TTLL11: variants seen among roughly 807,000 people sequenced by gnomAD.
TTLL11 encodes tubulin tyrosine ligase like 11.
TTLL11 carries 42 observed loss-of-function variants against 51.7 expected under a neutral mutation model. The observed-to-expected ratio is 0.81, with a 90% CI of 0.64 to 1.05. The LOEUF (loss-of-function observed/expected upper bound fraction) is 1.05, where lower values mean the gene tolerates loss of function less well. Ranked by LOEUF, TTLL11 falls within the 50% of genes least tolerant of loss-of-function variation. The pLI, the probability that TTLL11 is intolerant of heterozygous loss-of-function variation, is 0.00. For missense variants in TTLL11, 799 were observed against 940.4 expected (o/e 0.85, Z 1.97); for synonymous variants, 381 against 383.5 (o/e 0.99, Z 0.08).
chr9:121,852,057 C>T (rs1363816876), intron 8 of TTLL11, among the ~76,000 whole-genome samples: 3 of 152,312 alleles, frequency 2.0e-5, no homozygotes, highest in East Asian at 3.9e-4. Context: ...CGGGGCTGGC[C>T]CCTGTTCTGC....
chr9:121,958,047 G>A (rs932124826), intron 6 of TTLL11, among the ~76,000 whole-genome samples: 35 of 152,200 alleles, frequency 2.3e-4, no homozygotes, highest in African/African-American at 8.2e-4. Context: ...CTTGTGGAAC[G>A]AGTGTCCCCA....
intron 6 of TTLL11, among the ~76,000 whole-genome samples, chr9:121,936,740 A>T (rs142909637): frequency 6.6e-6 from 1 of 152,380 alleles, no homozygotes; most frequent in African/African-American, 2.4e-5. Context: ...CATGATTAAC[A>T]TTTAGTGTGT....
At chr9:121,962,089 A>G (rs775414930) in intron 6 of TTLL11, among the ~76,000 whole-genome samples, 21 of 152,102 alleles carry the variant, frequency 1.4e-4, no homozygotes, top group Non-Finnish European at 2.6e-4. Context: ...CAGCATACCA[A>G]AATTACACAG....
At chr9:122,061,859 A>C (rs957907753) in intron 1 of TTLL11, among the ~76,000 whole-genome samples, 1 of 152,082 alleles carries the variant, frequency 6.6e-6, no homozygotes, top group African/African-American at 2.4e-5. Flanking sequence ...GCTGGTCTTG[A>C]ACTCCTGACC....
intron 4 of TTLL11, among the ~76,000 whole-genome samples, chr9:121,988,549 T>C (rs973330742): frequency 6.6e-6 from 1 of 151,960 alleles, no homozygotes; most frequent in Non-Finnish European, 1.5e-5. Flanking sequence ...TTGCCTCCCC[T>C]ACCCCTACCC....
intron 6 of TTLL11, among the ~76,000 whole-genome samples, chr9:121,927,489 C>T (rs7039390): frequency 0.075 from 11,399 of 152,258 alleles, 607 homozygotes; most frequent in African/African-American, 0.15. Flanking sequence ...AATCCTGCTA[C>T]ATGTCAAGCA....
At chr9:122,013,564 C>T (rs1417416865) in intron 3 of TTLL11, among the ~76,000 whole-genome samples, 5 of 152,192 alleles carry the variant, frequency 3.3e-5, no homozygotes, top group African/African-American at 1.2e-4. Context: ...AAGGAGCCAA[C>T]AGGAAGGATG....
chr9:121,921,725 C>A (rs956192991), intron 6 of TTLL11, among the ~76,000 whole-genome samples: 4 of 152,184 alleles, frequency 2.6e-5, no homozygotes, highest in Admixed American at 6.5e-5. Flanking sequence ...AAAGAGGGAG[C>A]AGGGGATTGA....
intron 6 of TTLL11, among the ~76,000 whole-genome samples, chr9:121,971,992 A>G (rs1412216258): frequency 1.3e-5 from 2 of 152,022 alleles, no homozygotes; most frequent in African/African-American, 4.8e-5. Context: ...GTGGGTGGGG[A>G]CTAGGGGAGG....
chr9:121,921,619 C>T (rs1275081542), intron 6 of TTLL11, among the ~76,000 whole-genome samples: 1 of 152,124 alleles, frequency 6.6e-6, no homozygotes, highest in African/African-American at 2.4e-5. Flanking sequence ...AATTCTGGCA[C>T]CTGCTGATTT....
At chr9:121,911,943 T>A (rs74956521) in intron 6 of TTLL11, among the ~76,000 whole-genome samples, 3,508 of 152,018 alleles carry the variant, frequency 0.023, 87 homozygotes, top group African/African-American at 0.054. Context: ...AAAAAAATTT[T>A]AAAAAAAAGA....
intron 6 of TTLL11, among the ~76,000 whole-genome samples, chr9:121,939,547 A>G (rs1841360140): frequency 6.6e-6 from 1 of 152,196 alleles, no homozygotes; most frequent in South Asian, 2.1e-4. Flanking sequence ...GAAGGATGTC[A>G]TAGCAGTAGA....
intron 8 of TTLL11, among the ~76,000 whole-genome samples, chr9:121,839,847 A>G (rs964277791): frequency 1.3e-5 from 2 of 152,138 alleles, no homozygotes; most frequent in Non-Finnish European, 2.9e-5. Flanking sequence ...AAGTGGACTG[A>G]GCCCTATCCT....
intron 6 of TTLL11, among the ~76,000 whole-genome samples, chr9:121,930,472 A>C (rs1046839066): frequency 7.2e-5 from 11 of 152,252 alleles, no homozygotes; most frequent in African/African-American, 2.2e-4. Flanking sequence ...CGTGACCCAC[A>C]TCTTAAGACA....
intron 8 of TTLL11, among the ~76,000 whole-genome samples, chr9:121,824,877 A>G (rs1196633563): frequency 6.6e-6 from 1 of 152,188 alleles, no homozygotes; most frequent in Admixed American, 6.5e-5. Context: ...TACAGGTTAC[A>G]TACAGACCCT....
In TTLL11 at chr9:121,867,461, T is replaced by A. The variant is rs562384959; in HGVS notation, c.1733+3036A>T. On this transcript the variant is annotated intron_variant, in intron 7 of 8. Transcript: ENST00000321582. ...GCAAGTGAGGTGGTGATTCTTACCA[T>A]AAGCAATTTTTCAAATCTCCCCCTC... is the stretch of plus-strand genomic sequence containing the variant. Among the ~76,000 whole-genome samples, 7 of 152,252 alleles carry A rather than the reference T, an allele frequency of 4.6e-5. No homozygotes were observed. In the East Asian group the frequency reaches 1.4e-3, roughly 29 times the overall value.
intron 7 of TTLL11, among the ~76,000 whole-genome samples, chr9:121,861,117 T>C (rs1837993476): frequency 6.6e-6 from 1 of 151,670 alleles, no homozygotes; most frequent in South Asian, 2.1e-4. Flanking sequence ...ATACAGAGTC[T>C]TGCTCTGTCA....
At chr9:121,953,752 A>C (rs976825818) in intron 6 of TTLL11, among the ~76,000 whole-genome samples, 3 of 152,118 alleles carry the variant, frequency 2.0e-5, no homozygotes, top group African/African-American at 7.2e-5. Flanking sequence ...CAAAAAAGTA[A>C]GCAAAGCAAC....
chr9:122,017,746 C>T (rs1209381878), intron 3 of TTLL11, among the ~76,000 whole-genome samples: 1 of 152,156 alleles, frequency 6.6e-6, no homozygotes, highest in Non-Finnish European at 1.5e-5. Context: ...CAGGCGTGAG[C>T]CACCGTGCCC....
Sources: allele counts gnomAD v4.1 joint callset (sites outside exome capture counted in the v4.1 genomes callset), GRCh38; gene constraint gnomAD v4.1.1; transcripts MANE v1.5; gene names NCBI Gene and HGNC (gene_info 2026-07-23, HGNC 2026-07-21).